The following DHRSX variants were observed in gnomAD, a reference collection of about 807,000 sequenced individuals.
DHRSX encodes polyprenol dehydrogenase.
Under a neutral mutation model 34.0 loss-of-function variants are expected in DHRSX, and 31 were observed. The ratio of observed to expected loss-of-function variants is 0.91; its 90% CI spans 0.69 to 1.23. DHRSX has a LOEUF of 1.23. Ranked by LOEUF, DHRSX falls within the 50% of genes most tolerant of loss-of-function variation. The probability of loss-of-function intolerance (pLI) is 0.00; values close to 1 mark genes in which losing one functional copy is unlikely to be tolerated. For missense variants in DHRSX, 414 were observed against 428.1 expected (o/e 0.97, Z 0.29); for synonymous variants, 201 against 183.8 (o/e 1.09, Z -0.76).
intron 5 of DHRSX, among the ~76,000 whole-genome samples, chrX:2,246,741 A>AAAGAAAG (rs1556432494): frequency 8.8e-5 from 10 of 113,502 alleles, no homozygotes; most frequent in Non-Finnish European, 2.1e-4. Context: ...AGAAAGAAAG[A>AAAGAAAG]AAGAAAGAAA....
intron 1 of DHRSX, among the ~76,000 whole-genome samples, chrX:2,469,186 C>A (rs2044549159): frequency 1.3e-5 from 2 of 152,038 alleles, no homozygotes; most frequent in African/African-American, 4.8e-5. Flanking sequence ...AAGAATGCAG[C>A]CAAGGGACGG....
chrX:2,476,730 G>A (rs2044685795), intron 1 of DHRSX, among the ~76,000 whole-genome samples: 1 of 152,180 alleles, frequency 6.6e-6, no homozygotes, highest in South Asian at 2.1e-4. Context: ...TTGACCAGGT[G>A]TGGAGACTCA....
chrX:2,394,663 C>T lies in DHRSX; in HGVS notation c.286+14082G>A, dbSNP rs770775870. ...CGGGCAGATCACAAGGTCAAGAGAT[C>T]GAGACCGTCCTGGCCAACATGGTGA... is the stretch of plus-strand genomic sequence containing the variant. On this transcript the variant is annotated intron_variant, in intron 3 of 6. Coordinates refer to ENST00000334651, the MANE Select transcript of DHRSX (RefSeq NM_145177.3). Among the ~76,000 whole-genome samples, 292 of 152,068 alleles carry T rather than the reference C, an allele frequency of 1.9e-3. 2 individuals are homozygous for T. The highest frequency in any genetic ancestry group is 6.2e-3 in the African/African-American group (257 of 41,492).
chrX:2,396,748 G>A (rs1177126265), intron 3 of DHRSX, among the ~76,000 whole-genome samples: 1 of 146,938 alleles, frequency 6.8e-6, no homozygotes, highest in East Asian at 2.0e-4. Flanking sequence ...TCTCCACATG[G>A]CCTTATCTGT....
chrX:2,356,919 GC>G (rs1228646917), intron 3 of DHRSX, among the ~76,000 whole-genome samples: 1 of 152,058 alleles, frequency 6.6e-6, no homozygotes, highest in Non-Finnish European at 1.5e-5. Flanking sequence ...TAAACAGTAG[GC>G]TATTAATAAT....
At chrX:2,477,616 C>T (rs983052633) in intron 1 of DHRSX, among the ~76,000 whole-genome samples, 37 of 135,230 alleles carry the variant, frequency 2.7e-4, no homozygotes, top group African/African-American at 1.0e-3. Flanking sequence ...GAGGCCGAGG[C>T]GGATGGATCA....
At chrX:2,326,710 T>C (rs2124541078) in intron 3 of DHRSX, among the ~76,000 whole-genome samples, 1 of 152,198 alleles carries the variant, frequency 6.6e-6, no homozygotes, top group East Asian at 1.9e-4. Context: ...CATTTTGAAG[T>C]ATGCCCAAAG....
chrX:2,431,182 T>A (rs1467204105), intron 1 of DHRSX, among the ~76,000 whole-genome samples: 3 of 151,534 alleles, frequency 2.0e-5, no homozygotes, highest in Non-Finnish European at 4.4e-5. Flanking sequence ...AAAATTAGCC[T>A]GGCGTGGTGG....
chrX:2,500,513 T>C (rs180970931), intron 1 of DHRSX: 7,186 of 156,676 alleles, frequency 0.046, 412 homozygotes, highest in African/African-American at 0.14. Flanking sequence ...GGGGGCTGCT[T>C]GGTTGGAGCC....
chrX:2,341,477 G>A lies in DHRSX; in HGVS notation c.287-49874C>T, dbSNP rs776392143. 2.6e-3 allele frequency among the ~76,000 whole-genome samples: 390 copies of A among 152,128 alleles called. 4 individuals carry two copies. The highest frequency in any genetic ancestry group is 4.8e-3 in the Non-Finnish European group (328 of 68,006). On this transcript the variant is annotated intron_variant, in intron 3 of 6. Transcript: ENST00000334651. ...CTCCAGTCTCTGCCTCCGTCTCCAC[G>A]TGGCCTTCTCCTCTGTGTCTGTGTC...
At chrX:2,360,819 G>A (rs1452671572) in intron 3 of DHRSX, among the ~76,000 whole-genome samples, 2 of 151,968 alleles carry the variant, frequency 1.3e-5, no homozygotes, top group South Asian at 2.1e-4. Flanking sequence ...TCCTGGAATG[G>A]CAAGAACTTC....
chrX:2,303,789 A>ATGGG (rs371825446), intron 3 of DHRSX, among the ~76,000 whole-genome samples: 2 of 73,054 alleles, frequency 2.7e-5, no homozygotes, highest in Non-Finnish European at 4.6e-5. Flanking sequence ...GGATGGATGG[A>ATGGG]TGGGTGGGTG....
intron 3 of DHRSX, among the ~76,000 whole-genome samples, chrX:2,370,928 C>T (rs2043050929): frequency 6.6e-6 from 1 of 152,106 alleles, no homozygotes; most frequent in South Asian, 2.1e-4. Flanking sequence ...CCACATCGAA[C>T]GACCCCAATC....
intron 1 of DHRSX, among the ~76,000 whole-genome samples, chrX:2,485,135 C>A (rs1464507123): frequency 1.3e-5 from 2 of 152,084 alleles, no homozygotes; most frequent in African/African-American, 4.8e-5. Flanking sequence ...CCGAAAAATC[C>A]CACCACTGTG....
rs766767781 is a variant in DHRSX at position 2,325,512 on chromosome X, A to C, written c.287-33909T>G. The stretch of plus-strand genomic sequence containing the variant: ...TGTCAGCCACATGTAAAGTAAGAAA[A>C]ACAGGACCGAGAGCCCCGACCAACT... On this transcript the variant is annotated intron_variant, in intron 3 of 6. Transcript: ENST00000334651. 2.0e-5 allele frequency among the ~76,000 whole-genome samples: 3 copies of C among 152,320 alleles called. No homozygotes were observed. In the South Asian group the frequency reaches 6.2e-4, roughly 32 times the overall value.
chrX:2,299,993 G>A (rs190443960), intron 3 of DHRSX, among the ~76,000 whole-genome samples: 3 of 152,266 alleles, frequency 2.0e-5, no homozygotes, highest in Admixed American at 1.3e-4. Flanking sequence ...ACAGAGGCAT[G>A]TGTTGATAAA....
intron 1 of DHRSX, among the ~76,000 whole-genome samples, chrX:2,457,888 AGACGGCAGGGAATATGTTCCGT>A (rs1184030369): frequency 1.3e-5 from 2 of 149,546 alleles, no homozygotes; most frequent in East Asian, 4.0e-4. Context: ...AGCAGCCAAG[AGACGGCAGGGAATATGTTCCGT>A]AAGCATGTAG....
chrX:2,400,668 A>G (rs2043474467), intron 3 of DHRSX, among the ~76,000 whole-genome samples: 1 of 152,178 alleles, frequency 6.6e-6, no homozygotes, highest in South Asian at 2.1e-4. Context: ...GAGGAGGGTG[A>G]GTATTCCCAA....
At chrX:2,479,047 G>A (rs755536048) in intron 1 of DHRSX, among the ~76,000 whole-genome samples, 1 of 152,302 alleles carries the variant, frequency 6.6e-6, no homozygotes, top group South Asian at 2.1e-4. Flanking sequence ...GTAGCCCAAG[G>A]GACCACCACC....
Sources: gnomAD v4.1 joint callset for allele counts (sites outside exome capture counted in the v4.1 genomes callset) on GRCh38, gnomAD v4.1.1 for gene constraint, MANE v1.5 for transcripts, NCBI Gene and HGNC (gene_info 2026-07-23, HGNC 2026-07-21) for gene names.